Variants in ASTN1 observed in about 807,000 individuals in gnomAD.
ASTN1 encodes the protein astrotactin 1.
Under a neutral mutation model 140.7 loss-of-function variants are expected in ASTN1, and 41 were observed. The observed-to-expected ratio is 0.29, with a 90% CI of 0.23 to 0.38. The LOEUF is 0.38. Ranked by LOEUF, ASTN1 falls within the 10% of genes least tolerant of loss-of-function variation. ASTN1 has a pLI of 1.00. For synonymous variants in ASTN1, 640 were observed against 652.2 expected (o/e 0.98, Z 0.29); for missense variants, 1,479 against 1,678.8 (o/e 0.88, Z 2.08).
chr1:176,869,695 C>A (rs1668261454), intron 21 of ASTN1, among the ~76,000 whole-genome samples: 1 of 152,140 alleles, frequency 6.6e-6, no homozygotes. Context: ...CAGCTTCCAT[C>A]CATGATTGGT....
At chr1:176,920,809 C>T (rs756175561) in intron 16 of ASTN1, among the ~76,000 whole-genome samples, 31 of 152,210 alleles carry the variant, frequency 2.0e-4, no homozygotes, top group Non-Finnish European at 4.0e-4. Context: ...TAACACTGTG[C>T]CTGATCTATA....
intron 1 of ASTN1, among the ~76,000 whole-genome samples, chr1:177,081,452 C>T (rs1679175738): frequency 6.6e-6 from 1 of 152,078 alleles, no homozygotes; most frequent in Non-Finnish European, 1.5e-5. Flanking sequence ...GGGTATAAAA[C>T]AAGAGGGTGT....
chr1:176,900,365 C>T (rs1160636401), intron 16 of ASTN1, among the ~76,000 whole-genome samples: 1 of 152,178 alleles, frequency 6.6e-6, no homozygotes, highest in Non-Finnish European at 1.5e-5. Context: ...GCAGCTATTC[C>T]TCGTCGTGCA....
chr1:176,883,454 A>G (rs12562635), intron 19 of ASTN1, among the ~76,000 whole-genome samples: 1 of 152,090 alleles, frequency 6.6e-6, no homozygotes, highest in East Asian at 1.9e-4. Context: ...TCGGCCTCCC[A>G]AAGTGCTGGG....
intron 9 of ASTN1, 23 bp from the exon 10 acceptor site, chr1:176,958,505 G>C (rs1672515795): frequency 2.5e-6 from 4 of 1,596,610 alleles, no homozygotes; most frequent in African/African-American, 1.3e-5. Context: ...CCAGTGCCAG[G>C]TGGTCATGAC....
At chr1:176,938,868 C>A (rs1424039836) in intron 14 of ASTN1, among the ~76,000 whole-genome samples, 1 of 152,110 alleles carries the variant, frequency 6.6e-6, no homozygotes, top group Non-Finnish European at 1.5e-5. Flanking sequence ...AATCCCAGTA[C>A]TTTGGGAGGC....
intron 8 of ASTN1, among the ~76,000 whole-genome samples, chr1:177,008,509 G>C (rs1675112534): frequency 6.7e-6 from 1 of 150,274 alleles, no homozygotes; most frequent in East Asian, 2.0e-4. Context: ...CAGGAAGAGA[G>C]AGCGGGAGAT....
Position 176,965,181 on chromosome 1 carries a change from G to A in ASTN1, c.1580C>T (p.Pro527Leu), listed in dbSNP as rs766514135. Residue 527 changes from proline (P) to leucine (L), a missense_variant, in exon 9 of 23, where the codon CCC becomes CTC. By Grantham distance (98) the Pro-to-Leu change is moderately conservative. Coordinates refer to ENST00000361833, the MANE Select transcript of ASTN1 (RefSeq NM_004319.3). ...CACTTACCTAAATATTTTATCAGAG[G>A]GCTGCTCTCCCAAAACCAGGTCAAA... Reference protein sequence around the residue: ...RGFDLVLGEQPSDKIFRFTYT... With the variant: ...RGFDLVLGEQLSDKIFRFTYT... 12 of 1,613,838 alleles carry A rather than the reference G, an allele frequency of 7.4e-6. No homozygotes were observed. Among genetic ancestry groups the A allele is most frequent in the Non-Finnish European group, 8.5e-6 (10 of 1,179,822 alleles).
Position 176,868,788 on chromosome 1 carries a change from A to G in ASTN1, c.3647+56T>C, listed in dbSNP as rs557642659. On this transcript the variant is annotated intron_variant, in intron 22 of 22. Transcript: ENST00000361833. ...CTTCATGGATGCAGTATTACGGCACAAGAGGTACAAAATTTCAAGAAGTCT... is the reference window on the plus strand; with the variant it reads ...CTTCATGGATGCAGTATTACGGCACGAGAGGTACAAAATTTCAAGAAGTCT... 380 of 1,511,968 alleles carry G rather than the reference A, an allele frequency of 2.5e-4. 1 individual carries two copies. Among genetic ancestry groups the G allele is most frequent in the Non-Finnish European group, 3.3e-4 (364 of 1,114,606 alleles). The allele number at this position is 1,511,968 out of a possible 1,614,324, so 93.7% of individuals were successfully genotyped here.
intron 1 of ASTN1, among the ~76,000 whole-genome samples, chr1:177,108,347 C>CAAAAAAAAAAA (rs71129596): frequency 2.0e-5 from 2 of 98,564 alleles, no homozygotes; most frequent in South Asian, 3.5e-4. Flanking sequence ...GACTCCGTCT[C>CAAAAAAAAAAA]AAAAAAAAAA....
chr1:177,052,711 T>C (rs1008966627), intron 2 of ASTN1, among the ~76,000 whole-genome samples: 3 of 152,258 alleles, frequency 2.0e-5, no homozygotes, highest in Admixed American at 2.0e-4. Flanking sequence ...AAGCAGCTCA[T>C]AGACCTCACC....
chr1:177,001,149 C>T (rs2101913465), intron 8 of ASTN1, among the ~76,000 whole-genome samples: 1 of 152,346 alleles, frequency 6.6e-6, no homozygotes, highest in East Asian at 1.9e-4. Context: ...CATGGGAAGA[C>T]AAACACATTT....
chr1:177,128,087 C>A (rs1227823512), intron 1 of ASTN1, among the ~76,000 whole-genome samples: 2 of 152,044 alleles, frequency 1.3e-5, no homozygotes, highest in African/African-American at 4.8e-5. Context: ...TTAATTACAA[C>A]CCTGTATAGG....
At chr1:176,912,083 A>T (rs1196615517) in intron 16 of ASTN1, among the ~76,000 whole-genome samples, 1 of 152,218 alleles carries the variant, frequency 6.6e-6, no homozygotes, top group African/African-American at 2.4e-5. Flanking sequence ...TAAAATATCA[A>T]ATAAGGACCA....
chr1:177,130,761 G>A (rs1681903579), intron 1 of ASTN1, among the ~76,000 whole-genome samples: 1 of 152,154 alleles, frequency 6.6e-6, no homozygotes, highest in Non-Finnish European at 1.5e-5. Context: ...GTATCACCTA[G>A]AGACTTTGGC....
At chr1:177,111,914 C>A (rs1441243152) in intron 1 of ASTN1, among the ~76,000 whole-genome samples, 2 of 152,180 alleles carry the variant, frequency 1.3e-5, no homozygotes, top group African/African-American at 4.8e-5. Context: ...GGGTCGGCAA[C>A]ACTGGGCCTG....
At chr1:176,879,811 A>C (rs1008947315) in intron 20 of ASTN1, among the ~76,000 whole-genome samples, 1 of 152,214 alleles carries the variant, frequency 6.6e-6, no homozygotes, top group Admixed American at 6.5e-5. Context: ...TAACCTTCTG[A>C]GGAGGGTCCA....
At chr1:176,941,362 G>A (rs564287961) in intron 14 of ASTN1, among the ~76,000 whole-genome samples, 4 of 152,218 alleles carry the variant, frequency 2.6e-5, no homozygotes, top group South Asian at 2.1e-4. Flanking sequence ...AAAAACAAAC[G>A]CAAGGTAGAA....
intron 20 of ASTN1, among the ~76,000 whole-genome samples, chr1:176,880,803 C>T (rs1255180271): frequency 1.3e-5 from 2 of 152,052 alleles, no homozygotes; most frequent in African/African-American, 4.8e-5. Flanking sequence ...CTTGCATACC[C>T]GAAGCAACTA....
Sources: gnomAD v4.1 joint callset for allele counts (sites outside exome capture counted in the v4.1 genomes callset) on GRCh38, gnomAD v4.1.1 for gene constraint, MANE v1.5 for transcripts, NCBI Gene and HGNC (gene_info 2026-07-23, HGNC 2026-07-21) for gene names.